The following FAM24A variants were observed in gnomAD, a reference collection of about 807,000 sequenced individuals.
FAM24A encodes protein FAM24A.
Under a neutral mutation model 2.8 loss-of-function variants are expected in FAM24A, and 2 were observed. The ratio of observed to expected loss-of-function variants is 0.73; its 90% CI spans 0.30 to 2.28. The LOEUF (loss-of-function observed/expected upper bound fraction) is 2.28, where lower values mean the gene tolerates loss of function less well. Among genes scored for constraint, FAM24A ranks in the 30% most tolerant of loss-of-function variants. The pLI is 0.12. For missense variants in FAM24A, 109 were observed against 132.0 expected, an observed-to-expected ratio of 0.83 and a Z score of 0.85; for synonymous variants, 46 against 47.5, an observed-to-expected ratio of 0.97 and a Z score of 0.13.
Position 122,913,068 on chromosome 10 carries a change from G to A in FAM24A, c.*114G>A. 1.2e-6 allele frequency: 1 copy of A among 853,210 alleles called. No individual in the cohort carries two copies. The highest frequency in any genetic ancestry group is 1.7e-6 in the Non-Finnish European group (1 of 592,302). The allele number at this position is 853,210 out of a possible 1,614,324, so 52.9% of individuals were successfully genotyped here. On this transcript the variant is annotated 3_prime_UTR_variant, in exon 3 of 3. Transcript: ENST00000368894. ...TACATACTATTATATAATGTACAGTGTTATTTTCTGTACTTCTGAATAAAT... is the reference window on the plus strand; with the variant it reads ...TACATACTATTATATAATGTACAGTATTATTTTCTGTACTTCTGAATAAAT...
intron 2 of FAM24A, 111 bp downstream of exon 2, chr10:122,911,870 G>GAAAAGA: frequency 7.3e-7 from 1 of 1,374,414 alleles, no homozygotes; most frequent in Non-Finnish European, 1.0e-6. Context: ...AGTGAGTGAG[G>GAAAAGA]ACAAGAACAA....
Position 122,911,723 on chromosome 10 carries a change from T to TG in FAM24A, c.90dup (p.Phe31ValfsTer9), listed in dbSNP as rs756686290. On this transcript the variant is annotated frameshift_variant, in exon 2 of 3. Coordinates refer to ENST00000368894, the MANE Select transcript of FAM24A (RefSeq NM_001029888.3). LOFTEE classifies it low-confidence loss of function (END_TRUNC). Reference sequence around the variant, plus strand: ...GCCGCGATGGTGCTCCTAAGTGTTGTGTTCTGTCTTTACTTCAAAGTAGCT... The same window carrying TG: ...GCCGCGATGGTGCTCCTAAGTGTTGTGGTTCTGTCTTTACTTCAAAGTAGCT... The TG allele has an allele frequency of 1.1e-5, 18 of 1,614,154 alleles. No homozygotes were observed. In the African/African-American group the frequency reaches 1.7e-4, roughly 16 times the overall value.
At chr10:122,911,554 T>C in intron 1 of FAM24A, 79 bp from the exon 2 acceptor site, 1 of 1,578,456 alleles carries the variant, frequency 6.3e-7, no homozygotes, top group Non-Finnish European at 8.6e-7. Context: ...GGGTTCACTC[T>C]TCCTCTACTA....
chr10:122,912,140 G>A (rs143433019), intron 2 of FAM24A, among the ~76,000 whole-genome samples: 1 of 152,174 alleles, frequency 6.6e-6, no homozygotes, highest in Non-Finnish European at 1.5e-5. Context: ...TGAAGACTCC[G>A]TAGGGAGACT....
chr10:122,912,716 T>C, intron 2 of FAM24A, 46 bp from the exon 3 acceptor site: 1 of 1,563,604 alleles, frequency 6.4e-7, no homozygotes, highest in Non-Finnish European at 8.7e-7. Flanking sequence ...ACAAATGGAC[T>C]GAGAAGAAAA....
intron 1 of FAM24A, among the ~76,000 whole-genome samples, chr10:122,911,046 C>T (rs571707173): frequency 2.0e-5 from 3 of 152,280 alleles, no homozygotes; most frequent in Non-Finnish European, 4.4e-5. Context: ...CTGCAGACCA[C>T]GTCCCATTTC....
chr10:122,911,274 T>G (rs2133857911), intron 1 of FAM24A, among the ~76,000 whole-genome samples: 1 of 152,308 alleles, frequency 6.6e-6, no homozygotes, highest in South Asian at 2.1e-4. Context: ...GAGGGGTGAC[T>G]TCTGACCCTC....
Position 122,911,747 on chromosome 10 carries a change from C to T in FAM24A, c.113C>T (p.Ala38Val), listed in dbSNP as rs376941907. Residue 38 changes from alanine (A) to valine (V), a missense_variant, in exon 2 of 3, where the codon GCT becomes GTT. Coordinates refer to ENST00000368894, the MANE Select transcript of FAM24A (RefSeq NM_001029888.3). The part of the protein sequence containing the change: ...SVVFCLYFKV[A>V]KALKAAKDPD... Reference sequence around the variant, plus strand: ...GTGTTCTGTCTTTACTTCAAAGTAGCTAAGGCACTAAAGTGAGTCATGTGG... The same window carrying T: ...GTGTTCTGTCTTTACTTCAAAGTAGTTAAGGCACTAAAGTGAGTCATGTGG... The T allele has an allele frequency of 6.2e-7, 1 of 1,614,106 alleles. No homozygotes were observed. The highest frequency in any genetic ancestry group is 1.3e-5 in the African/African-American group (1 of 75,024).
intron 2 of FAM24A, among the ~76,000 whole-genome samples, chr10:122,912,224 C>T: frequency 6.6e-6 from 1 of 152,190 alleles, no homozygotes; most frequent in East Asian, 1.9e-4. Context: ...GAGTTGGGAG[C>T]TCTCAGAGTG....
intron 2 of FAM24A, among the ~76,000 whole-genome samples, 163 bp from the exon 3 acceptor site, chr10:122,912,599 G>A (rs1848330373): frequency 6.6e-6 from 1 of 152,146 alleles, no homozygotes; most frequent in Non-Finnish European, 1.5e-5. Context: ...AGGAGAGGAA[G>A]GGATTCAAGA....
intron 2 of FAM24A, among the ~76,000 whole-genome samples, chr10:122,912,446 C>G (rs1445703512): frequency 6.6e-6 from 1 of 151,984 alleles, no homozygotes; most frequent in Non-Finnish European, 1.5e-5. Flanking sequence ...CACAGAGACA[C>G]ATCCCGGAGC....
At chr10:122,912,591 G>A (rs973754923) in intron 2 of FAM24A, among the ~76,000 whole-genome samples, 171 bp from the exon 3 acceptor site, 7 of 152,194 alleles carry the variant, frequency 4.6e-5, no homozygotes, top group African/African-American at 1.7e-4. Flanking sequence ...GCAGTCGTAG[G>A]AGAGGAAGGG....
Position 122,912,767 on chromosome 10 carries a change from C to T in FAM24A, c.131C>T (p.Ala44Val). 1 of 1,610,088 alleles carries T rather than the reference C, an allele frequency of 6.2e-7. No homozygotes were observed. The highest frequency in any genetic ancestry group is 8.5e-7 in the Non-Finnish European group (1 of 1,178,888). Residue 44 changes from alanine (A) to valine (V), a missense_variant, in exon 3 of 3, where the codon GCA (alanine) becomes GTA (valine). Transcript: ENST00000368894. ...TTTGTGTGTCTTTTCTTAAGAGCTG[C>T]AAAGGACCCTGATGCTGTGGCTGTA... ...YFKVAKALKA[A>V]KDPDAVAVKN...
At position 122,912,878 on chromosome 10, in the gene FAM24A, G is replaced by GGAGTCTTGTCCATCTCTCCATCTCTC; in HGVS notation, c.242_243insGAGTCTTGTCCATCTCTCCATCTCTC (p.Cys81TrpfsTer30). On this transcript the variant is annotated frameshift_variant, in exon 3 of 3. Transcript: ENST00000368894. LOFTEE classifies it low-confidence loss of function (END_TRUNC). ...ATGGAGTCTTGTCCATCTCTCCAGTGCTGTGAAGGTTGTAGAATGCATGCC... is the reference window on the plus strand; with the variant it reads ...ATGGAGTCTTGTCCATCTCTCCAGTGGAGTCTTGTCCATCTCTCCATCTCTCCTGTGAAGGTTGTAGAATGCATGCC... The GGAGTCTTGTCCATCTCTCCATCTCTC allele has an allele frequency of 6.2e-7, 1 of 1,614,166 alleles. No individual in the cohort carries two copies. The highest frequency in any genetic ancestry group is 2.2e-5 in the East Asian group (1 of 44,874).
At chr10:122,911,583 G>A in intron 1 of FAM24A, 50 bp from the exon 2 acceptor site, 1 of 1,604,552 alleles carries the variant, frequency 6.2e-7, no homozygotes. Context: ...TTGTTTAGTG[G>A]CTGTGTGGGG....
In FAM24A at chr10:122,911,646, GT is replaced by G; in HGVS notation, c.15del (p.Phe5LeufsTer8). ...CTTTCTCCTTAGGCATGGCAAAGAT[GT>G]TTGATCTCAGGACGAAGATCATGAT... Reference protein sequence around the residue: MAKMFDLRTKIMIGI... With the variant: MAKMXDLRTKIMIGI... On this transcript the variant is annotated frameshift_variant, in exon 2 of 3. Transcript: ENST00000368894. LOFTEE classifies it high-confidence loss of function. The G allele has an allele frequency of 6.2e-7, 1 of 1,613,912 alleles. No homozygotes were observed. The highest frequency in any genetic ancestry group is 8.5e-7 in the Non-Finnish European group (1 of 1,180,008).
rs537049884 is a variant in FAM24A, at chr10:122,912,692, C to A, written c.126-70C>A. 23 of 1,466,322 alleles carry A rather than the reference C, an allele frequency of 1.6e-5. No individual in the cohort carries two copies. The South Asian group carries it at 3.0e-4, about 19-fold the overall frequency. The allele number at this position is 1,466,322 out of a possible 1,614,324, so 90.8% of individuals were successfully genotyped here. On this transcript the variant is annotated intron_variant, in intron 2 of 2. Coordinates refer to ENST00000368894, the MANE Select transcript of FAM24A (RefSeq NM_001029888.3). ...CTTCAGCACTAAACTTCCCAGATAC[C>A]CCCAACAATTCTAACAAATGGACTG...
rs747709433 is a variant in FAM24A at position 122,911,650 on chromosome 10, G to C, written c.16G>C (p.Asp6His). Residue 6 changes from aspartate to histidine, a missense_variant, in exon 2 of 3, where the codon GAT (aspartate) becomes CAT (histidine). By Grantham distance (81) the Asp-to-His change is moderately conservative. Coordinates refer to ENST00000368894, the MANE Select transcript of FAM24A (RefSeq NM_001029888.3). ...CTCCTTAGGCATGGCAAAGATGTTT[G>C]ATCTCAGGACGAAGATCATGATCGG... The part of the protein sequence containing the change: MAKMF[D>H]LRTKIMIGIG... 1 of 1,613,946 alleles carries C rather than the reference G, an allele frequency of 6.2e-7. No homozygotes were observed. The highest frequency in any genetic ancestry group is 8.5e-7 in the Non-Finnish European group (1 of 1,180,012).
In FAM24A at chr10:122,911,652, T is replaced by C. The variant is rs895789784; in HGVS notation, c.18T>C (p.Asp6=). 1 of 1,613,992 alleles carries C rather than the reference T, an allele frequency of 6.2e-7. No homozygotes were observed. The highest frequency in any genetic ancestry group is 1.7e-5 in the Admixed American group (1 of 60,022). The change falls in exon 2 of 3, where the codon GAT becomes GAC. Residue 6 remains aspartate (D), a synonymous_variant. Coordinates refer to ENST00000368894, the MANE Select transcript of FAM24A (RefSeq NM_001029888.3). The part of the protein sequence containing the change: MAKMF[D]LRTKIMIGIG... ...CCTTAGGCATGGCAAAGATGTTTGA[T>C]CTCAGGACGAAGATCATGATCGGCA... is the stretch of plus-strand genomic sequence containing the variant.
Sources: allele counts gnomAD v4.1 joint callset (sites outside exome capture counted in the v4.1 genomes callset), GRCh38; gene constraint gnomAD v4.1.1; transcripts MANE v1.5; gene names NCBI Gene and HGNC (gene_info 2026-07-23, HGNC 2026-07-21).